The following PTPRD variants were observed in gnomAD, a reference collection of about 807,000 sequenced individuals.
PTPRD encodes receptor-type tyrosine-protein phosphatase delta.
In PTPRD, 34 loss-of-function variants were observed where a neutral mutation model predicts 214.5. That is an observed-to-expected ratio of 0.16 (90% CI 0.12 to 0.21). The LOEUF (loss-of-function observed/expected upper bound fraction) is 0.21, where lower values mean the gene tolerates loss of function less well. PTPRD is among the 10% of genes least tolerant of loss of function. PTPRD has a pLI of 1.00. For missense variants in PTPRD, 2,545 were observed against 2,398.7 expected (o/e 1.06, Z -1.27); for synonymous variants, 1,128 against 845.7 (o/e 1.33, Z -5.79).
At chr9:9,045,258 A>C (rs899041896) in intron 10 of PTPRD, among the ~76,000 whole-genome samples, 3 of 152,108 alleles carry the variant, frequency 2.0e-5, no homozygotes, top group African/African-American at 7.2e-5. Context: ...AGCTTTTTTC[A>C]AAAAGGCTTC....
chr9:9,889,805 G>C (rs538786157), intron 5 of PTPRD, among the ~76,000 whole-genome samples: 1 of 150,928 alleles, frequency 6.6e-6, no homozygotes, highest in South Asian at 2.1e-4. Flanking sequence ...GTGTGTGTGT[G>C]TGTGTGTATG....
At chr9:10,243,619 G>C (rs565612775) in intron 3 of PTPRD, among the ~76,000 whole-genome samples, 2 of 151,706 alleles carry the variant, frequency 1.3e-5, no homozygotes, top group South Asian at 4.2e-4. Flanking sequence ...AATCCCATTG[G>C]GATACTTAAA....
intron 8 of PTPRD, among the ~76,000 whole-genome samples, chr9:9,405,012 T>G (rs2072705933): frequency 6.6e-6 from 1 of 152,210 alleles, no homozygotes; most frequent in Non-Finnish European, 1.5e-5. Context: ...CATTTCTGGA[T>G]TCAGGATAAC....
rs146813950 is a variant in PTPRD at position 10,470,071 on chromosome 9, T to C, written c.-599-129054A>G. Among the ~76,000 whole-genome samples the C allele has an allele frequency of 4.0e-3, 609 of 152,192 alleles. 5 individuals are homozygous for C. Among genetic ancestry groups the C allele is most frequent in the African/African-American group, 0.014 (579 of 41,538 alleles). On this transcript the variant is annotated intron_variant, in intron 2 of 45. Coordinates refer to ENST00000381196, the MANE Select transcript of PTPRD (RefSeq NM_002839.4). ...AGTGTTTGGTACCAAAATAGGGGGCTTATATTTAACAATGATTTATTGTAT... is the reference window on the plus strand; with the variant it reads ...AGTGTTTGGTACCAAAATAGGGGGCCTATATTTAACAATGATTTATTGTAT...
chr9:8,758,967 G>A (rs2094215579), intron 11 of PTPRD, among the ~76,000 whole-genome samples: 1 of 151,386 alleles, frequency 6.6e-6, no homozygotes, highest in South Asian at 2.1e-4. Context: ...TTGCAGGCGT[G>A]AGCCACCGCA....
intron 35 of PTPRD, among the ~76,000 whole-genome samples, chr9:8,433,437 G>A (rs1284892931): frequency 6.6e-6 from 1 of 152,124 alleles, no homozygotes; most frequent in African/African-American, 2.4e-5. Context: ...GCCTTAGGTA[G>A]GTCCTTCAAG....
intron 7 of PTPRD, among the ~76,000 whole-genome samples, chr9:9,633,956 C>T (rs956561288): frequency 2.0e-5 from 3 of 152,066 alleles, no homozygotes; most frequent in African/African-American, 7.2e-5. Context: ...TAACTTTTCC[C>T]CTTTATGATA....
intron 3 of PTPRD, among the ~76,000 whole-genome samples, chr9:10,035,234 C>T (rs12379893): frequency 0.1 from 15,889 of 151,764 alleles, 943 homozygotes; most frequent in African/African-American, 0.15. Flanking sequence ...GGTTGTTGGC[C>T]GCATGTAGGT....
chr9:10,285,127 A>C (rs1160203876), intron 3 of PTPRD, among the ~76,000 whole-genome samples: 1 of 152,174 alleles, frequency 6.6e-6, no homozygotes, highest in Non-Finnish European at 1.5e-5. Context: ...ATCAGTTATT[A>C]ACTCTAAGAA....
At chr9:8,467,970 G>C (rs578195193) in intron 31 of PTPRD, among the ~76,000 whole-genome samples, 1 of 151,926 alleles carries the variant, frequency 6.6e-6, no homozygotes, top group Non-Finnish European at 1.5e-5. Context: ...TTATGTGACT[G>C]TGTCCCCTCT....
At chr9:10,326,514 T>C (rs2096645679) in intron 3 of PTPRD, among the ~76,000 whole-genome samples, 1 of 151,856 alleles carries the variant, frequency 6.6e-6, no homozygotes, top group Admixed American at 6.6e-5. Flanking sequence ...TTGTTTGTTG[T>C]TGTTGTTGTT....
intron 5 of PTPRD, among the ~76,000 whole-genome samples, chr9:9,767,117 C>T (rs1401196302): frequency 6.6e-6 from 1 of 151,552 alleles, no homozygotes; most frequent in African/African-American, 2.4e-5. Flanking sequence ...TTAAAATAAA[C>T]TTTCCAGGAA....
chr9:9,753,960 A>T (rs1018954194), intron 6 of PTPRD, among the ~76,000 whole-genome samples: 3 of 152,038 alleles, frequency 2.0e-5, no homozygotes, highest in African/African-American at 7.2e-5. Flanking sequence ...TTCTTCCCAT[A>T]AGCTTACTTA....
Position 8,736,453 on chromosome 9 carries a change from T to C in PTPRD, c.-103-2507A>G, listed in dbSNP as rs1016649770. 3.3e-5 allele frequency among the ~76,000 whole-genome samples: 5 copies of C among 152,148 alleles called. No individual in the cohort carries two copies. In the East Asian group the frequency reaches 5.8e-4, roughly 18 times the overall value. ...TTAAAACTGAAATATTTGAAACATA[T>C]ACAAAATTTTTGACAGGAAATACTA... On this transcript the variant is annotated intron_variant, in intron 11 of 45. Transcript: ENST00000381196.
At chr9:9,902,596 C>T (rs1164674916) in intron 5 of PTPRD, among the ~76,000 whole-genome samples, 2 of 152,142 alleles carry the variant, frequency 1.3e-5, no homozygotes, top group African/African-American at 2.4e-5. Context: ...GAAATGCACA[C>T]TTCAACTTTG....
At chr9:10,567,514 C>G (rs775604884) in intron 2 of PTPRD, among the ~76,000 whole-genome samples, 6 of 152,038 alleles carry the variant, frequency 3.9e-5, no homozygotes, top group Non-Finnish European at 7.4e-5. Flanking sequence ...GAAAGACAAT[C>G]TGAAGCAGGT....
At chr9:9,559,851 G>A (rs2082449602) in intron 8 of PTPRD, among the ~76,000 whole-genome samples, 1 of 152,178 alleles carries the variant, frequency 6.6e-6, no homozygotes, top group African/African-American at 2.4e-5. Flanking sequence ...CATAAGCGGT[G>A]CATAAGTGGA....
chr9:9,396,989 C>G (rs1429814109), intron 9 of PTPRD, among the ~76,000 whole-genome samples: 2 of 151,984 alleles, frequency 1.3e-5, no homozygotes, highest in Non-Finnish European at 2.9e-5. Flanking sequence ...AATGAATAAT[C>G]ATAGCAATAT....
intron 3 of PTPRD, among the ~76,000 whole-genome samples, chr9:10,204,486 A>G (rs2099456394): frequency 6.6e-6 from 1 of 152,124 alleles, no homozygotes; most frequent in South Asian, 2.1e-4. Context: ...AATTTCCGTC[A>G]TCTAGTTGGC....
Sources: allele counts gnomAD v4.1 joint callset (sites outside exome capture counted in the v4.1 genomes callset), GRCh38; gene constraint gnomAD v4.1.1; transcripts MANE v1.5; gene names NCBI Gene and HGNC (gene_info 2026-07-23, HGNC 2026-07-21).